The following ATRNL1 variants were observed in gnomAD, a reference collection of about 807,000 sequenced individuals.
ATRNL1 encodes the protein attractin-like protein 1.
Under a neutral mutation model 182.7 loss-of-function variants are expected in ATRNL1, and 95 were observed. That is an observed-to-expected ratio of 0.52 (90% CI 0.44 to 0.62). ATRNL1 has a LOEUF of 0.62. Among genes scored for constraint, ATRNL1 ranks in the 20% least tolerant of loss-of-function variants. The pLI, the probability that ATRNL1 is intolerant of heterozygous loss-of-function variation, is 0.00. For synonymous variants in ATRNL1, 576 were observed against 568.3 expected (o/e 1.01, Z -0.19); for missense variants, 1,471 against 1,679.5 (o/e 0.88, Z 2.17).
intron 1 of ATRNL1, among the ~76,000 whole-genome samples, chr10:115,107,088 T>C (rs1474816666): frequency 2.0e-5 from 3 of 152,078 alleles, no homozygotes; most frequent in African/African-American, 4.8e-5. Flanking sequence ...GCCCTCATGG[T>C]TTAATCACCT....
intron 20 of ATRNL1, among the ~76,000 whole-genome samples, chr10:115,401,217 A>G (rs1844549534): frequency 6.6e-6 from 1 of 152,066 alleles, no homozygotes; most frequent in Non-Finnish European, 1.5e-5. Flanking sequence ...AGAGACCAGG[A>G]AATAAATAAA....
intron 1 of ATRNL1, among the ~76,000 whole-genome samples, chr10:115,119,185 A>T (rs1844616020): frequency 6.6e-6 from 1 of 152,118 alleles, no homozygotes; most frequent in African/African-American, 2.4e-5. Flanking sequence ...ATTTGCAGGG[A>T]TTATGAAAGA....
At chr10:115,852,594 A>C (rs1335214302) in intron 28 of ATRNL1, among the ~76,000 whole-genome samples, 1 of 152,180 alleles carries the variant, frequency 6.6e-6, no homozygotes, top group Non-Finnish European at 1.5e-5. Flanking sequence ...TTCCCAGGGT[A>C]AATGCAGCTA....
intron 8 of ATRNL1, among the ~76,000 whole-genome samples, chr10:115,181,672 T>A (rs1847750694): frequency 6.6e-6 from 1 of 151,728 alleles, no homozygotes; most frequent in Non-Finnish European, 1.5e-5. Context: ...ATGCTAAAAA[T>A]TAACAATAAA....
rs12217760 is a variant in ATRNL1 at position 115,375,399 on chromosome 10, A to G, written c.3176-19260A>G. Among the ~76,000 whole-genome samples, 32 of 152,014 alleles carry G rather than the reference A, an allele frequency of 2.1e-4. No homozygotes were observed. In the East Asian group the frequency reaches 5.6e-3, roughly 27 times the overall value. Reference sequence around the variant, plus strand: ...TCTCTTATAGGGAGTCTATTGTTTGATCACTAAAAAAAGTCCAGTTAGCTA... The same window carrying G: ...TCTCTTATAGGGAGTCTATTGTTTGGTCACTAAAAAAAGTCCAGTTAGCTA... On this transcript the variant is annotated intron_variant, in intron 19 of 28. Coordinates refer to ENST00000355044, the MANE Select transcript of ATRNL1 (RefSeq NM_207303.4).
intron 18 of ATRNL1, among the ~76,000 whole-genome samples, chr10:115,316,998 G>A (rs1554929902): frequency 6.6e-6 from 1 of 152,138 alleles, no homozygotes; most frequent in African/African-American, 2.4e-5. Flanking sequence ...CCATGCCTAT[G>A]TCCTAAATGT....
At chr10:115,305,334 C>T (rs1363917054) in intron 17 of ATRNL1, among the ~76,000 whole-genome samples, 1 of 152,114 alleles carries the variant, frequency 6.6e-6, no homozygotes, top group Non-Finnish European at 1.5e-5. Context: ...CTGTTGTGTT[C>T]ATTTGTTCCT....
chr10:115,548,641 G>A (rs1852800095), intron 25 of ATRNL1, among the ~76,000 whole-genome samples: 1 of 152,106 alleles, frequency 6.6e-6, no homozygotes, highest in African/African-American at 2.4e-5. Flanking sequence ...GATTTGTCAG[G>A]CTTGAGTTAC....
chr10:115,258,938 C>A (rs1554907869), intron 10 of ATRNL1, among the ~76,000 whole-genome samples: 1 of 152,176 alleles, frequency 6.6e-6, no homozygotes. Context: ...CTGGGTATCA[C>A]CAGCGGAGGC....
chr10:115,704,712 G>A (rs1593096236), intron 26 of ATRNL1, among the ~76,000 whole-genome samples: 1 of 151,820 alleles, frequency 6.6e-6, no homozygotes, highest in Non-Finnish European at 1.5e-5. Flanking sequence ...GGGGTATACG[G>A]TCTTGCCTAC....
intron 19 of ATRNL1, among the ~76,000 whole-genome samples, chr10:115,373,002 A>G (rs1367295396): frequency 6.6e-6 from 1 of 152,168 alleles, no homozygotes; most frequent in Non-Finnish European, 1.5e-5. Flanking sequence ...GTCCATGAAT[A>G]CAGGATATTG....
chr10:115,774,764 A>G (rs1949080237), intron 27 of ATRNL1, among the ~76,000 whole-genome samples: 1 of 152,052 alleles, frequency 6.6e-6, no homozygotes, highest in Non-Finnish European at 1.5e-5. Context: ...CACTGACAGA[A>G]TGCCCCAGAA....
chr10:115,937,665 G>A (rs946148433), intron 28 of ATRNL1, among the ~76,000 whole-genome samples: 2 of 152,176 alleles, frequency 1.3e-5, no homozygotes, highest in Non-Finnish European at 2.9e-5. Context: ...TCATGTGAAG[G>A]ATAGCCAAGA....
Position 115,944,712 on chromosome 10 carries a change from G to C in ATRNL1, c.4073G>C (p.Ser1358Thr). Reference protein sequence around the residue: ...IDISQQKASDSKDKTSGVRNR... With the variant: ...IDISQQKASDTKDKTSGVRNR... ...ATTTCACAACAGAAAGCTTCAGATA[G>C]TAAAGATAAGACTTCTGGAGTCCGG... The change falls in exon 29 of 29, where the codon AGT (serine) becomes ACT (threonine). Residue 1358 changes from serine to threonine, a missense_variant. This residue lies in a region of ATRNL1 where 437 missense variants were observed against 506.0 expected (regional missense o/e 0.86). Transcript: ENST00000355044. 2 of 1,613,602 alleles carry C rather than the reference G, an allele frequency of 1.2e-6. No individual in the cohort carries two copies. Among genetic ancestry groups the C allele is most frequent in the Non-Finnish European group, 1.7e-6 (2 of 1,179,630 alleles).
chr10:115,286,008 T>C (rs933809386), intron 14 of ATRNL1, among the ~76,000 whole-genome samples: 1 of 152,020 alleles, frequency 6.6e-6, no homozygotes, highest in Non-Finnish European at 1.5e-5. Context: ...CCATAATTTA[T>C]CTCATGTTTA....
chr10:115,781,960 C>G (rs534954097), intron 27 of ATRNL1, among the ~76,000 whole-genome samples: 29 of 152,146 alleles, frequency 1.9e-4, no homozygotes, highest in African/African-American at 6.7e-4. Context: ...CCTTTTTGCC[C>G]TGAATGATAA....
At chr10:115,448,654 G>A (rs1384704443) in intron 21 of ATRNL1, among the ~76,000 whole-genome samples, 1 of 151,342 alleles carries the variant, frequency 6.6e-6, no homozygotes, top group Non-Finnish European at 1.5e-5. Context: ...GTTAGCAGAA[G>A]ACAAGAAATA....
At chr10:115,413,767 A>T (rs1324670691) in intron 20 of ATRNL1, among the ~76,000 whole-genome samples, 1 of 152,048 alleles carries the variant, frequency 6.6e-6, no homozygotes. Context: ...AATCAGCTGT[A>T]TATCCTTTTG....
At chr10:115,701,814 C>T (rs182095743) in intron 26 of ATRNL1, among the ~76,000 whole-genome samples, 30 of 151,888 alleles carry the variant, frequency 2.0e-4, no homozygotes, top group Admixed American at 3.9e-4. Context: ...TAAAAACCTA[C>T]CAACCAAAAA....
Sources: allele counts gnomAD v4.1 joint callset (sites outside exome capture counted in the v4.1 genomes callset), GRCh38; gene constraint gnomAD v4.1.1; regional missense constraint gnomAD v4.1.1; transcripts MANE v1.5; gene names NCBI Gene and HGNC (gene_info 2026-07-23, HGNC 2026-07-21).